Variants in RAB11FIP4 observed in about 807,000 individuals in gnomAD.
RAB11FIP4 encodes the protein rab11 family-interacting protein 4.
A neutral mutation model predicts 74.3 loss-of-function variants in RAB11FIP4; 23 were observed. The observed-to-expected ratio is 0.31, with a 90% CI of 0.22 to 0.44. The LOEUF (loss-of-function observed/expected upper bound fraction) is 0.44, where lower values mean the gene tolerates loss of function less well. Ranked by LOEUF, RAB11FIP4 falls within the 20% of genes least tolerant of loss-of-function variation. The pLI, the probability that RAB11FIP4 is intolerant of heterozygous loss-of-function variation, is 1.00. For missense variants in RAB11FIP4, 630 were observed against 863.9 expected (o/e 0.73, Z 3.39); for synonymous variants, 360 against 359.9 (o/e 1.00, Z 0.00).
rs60955293 is a variant in RAB11FIP4 at position 31,463,803 on chromosome 17, C to CTTTTTTTTTTTTTT, written c.336+29696_336+29709dup. ...ACAGGTGTGAGCCACTGCGCCTGGA[C>CTTTTTTTTTTTTTT]TTTTTTTTTTTTTTTTTTTTTTTTT... On this transcript the variant is annotated intron_variant, in intron 3 of 14. Transcript: ENST00000621161. Among the ~76,000 whole-genome samples the CTTTTTTTTTTTTTT allele has an allele frequency of 7.6e-4, 25 of 32,844 alleles. 8 individuals carry two copies. The highest frequency in any genetic ancestry group is 1.8e-3 in the African/African-American group (17 of 9,210). 21.5% of individuals were successfully genotyped at this position (32,844 alleles called of 152,430 possible).
intron 1 of RAB11FIP4, among the ~76,000 whole-genome samples, chr17:31,401,297 C>T (rs1469480812): frequency 6.6e-6 from 1 of 151,400 alleles, no homozygotes; most frequent in African/African-American, 2.4e-5. Flanking sequence ...AAATGCCAGG[C>T]TTGCCCCAGC....
intron 3 of RAB11FIP4, among the ~76,000 whole-genome samples, chr17:31,495,592 G>A (rs893365033): frequency 2.6e-5 from 4 of 151,856 alleles, no homozygotes; most frequent in Non-Finnish European, 5.9e-5. Flanking sequence ...AAACTTCTAG[G>A]CGCAAGCAAT....
At chr17:31,430,368 T>TG (rs2071297126) in intron 1 of RAB11FIP4, among the ~76,000 whole-genome samples, 1 of 143,520 alleles carries the variant, frequency 7.0e-6, no homozygotes, top group South Asian at 2.2e-4. Context: ...TTTTTTTTTT[T>TG]TTTTTTTGAG....
intron 3 of RAB11FIP4, among the ~76,000 whole-genome samples, chr17:31,517,194 G>C (rs1326323912): frequency 1.7e-5 from 1 of 58,776 alleles, no homozygotes; most frequent in Non-Finnish European, 3.1e-5. Flanking sequence ...GGCGGTGCGG[G>C]GGGGGGGGCG....
chr17:31,447,037 T>C (rs550796403), intron 3 of RAB11FIP4, among the ~76,000 whole-genome samples: 277 of 152,012 alleles, frequency 1.8e-3, no homozygotes, highest in Middle Eastern at 3.4e-3. Flanking sequence ...GTAATCCCAG[T>C]ACTTTGGGAG....
chr17:31,456,838 A>G (rs2071583075), intron 3 of RAB11FIP4, among the ~76,000 whole-genome samples: 1 of 152,136 alleles, frequency 6.6e-6, no homozygotes, highest in South Asian at 2.1e-4. Context: ...TTAAAGGATT[A>G]TTATTGCCTG....
At chr17:31,419,293 T>TG (rs1009877442) in intron 1 of RAB11FIP4, among the ~76,000 whole-genome samples, 2 of 151,746 alleles carry the variant, frequency 1.3e-5, no homozygotes, top group East Asian at 3.8e-4. Flanking sequence ...TTTTGTTTTT[T>TG]TTTTTTGGTA....
At chr17:31,455,760 C>T (rs1489501636) in intron 3 of RAB11FIP4, among the ~76,000 whole-genome samples, 5 of 152,210 alleles carry the variant, frequency 3.3e-5, no homozygotes, top group Non-Finnish European at 7.3e-5. Flanking sequence ...CATTCTTGGT[C>T]AGACCCCTTC....
At chr17:31,525,452 T>C (rs2072748830) in intron 10 of RAB11FIP4, 1 of 573,996 alleles carries the variant, frequency 1.7e-6, no homozygotes, top group Non-Finnish European at 3.1e-6. Flanking sequence ...GTGGCTCACA[T>C]TTGGTAATGC....
intron 3 of RAB11FIP4, among the ~76,000 whole-genome samples, chr17:31,470,143 T>C (rs1168862994): frequency 6.6e-6 from 1 of 152,266 alleles, no homozygotes; most frequent in African/African-American, 2.4e-5. Flanking sequence ...AGTCGCTGCT[T>C]CTGAGACCCA....
chr17:31,522,513 G>A (rs560690097), intron 7 of RAB11FIP4, 118 bp downstream of exon 7: 2 of 1,002,772 alleles, frequency 2.0e-6, no homozygotes, highest in African/African-American at 1.6e-5. Flanking sequence ...AGTGAGCAGA[G>A]GGGAACGAGG....
At chr17:31,473,754 C>T (rs1475526264) in intron 3 of RAB11FIP4, among the ~76,000 whole-genome samples, 2 of 152,180 alleles carry the variant, frequency 1.3e-5, no homozygotes, top group African/African-American at 2.4e-5. Context: ...ATTTGCTCAG[C>T]GGGCATGGAG....
intron 3 of RAB11FIP4, among the ~76,000 whole-genome samples, chr17:31,440,957 C>T (rs1768212590): frequency 6.6e-6 from 1 of 152,088 alleles, no homozygotes. Flanking sequence ...TCCAGGAATG[C>T]ATATATCTTT....
chr17:31,414,584 G>A (rs1399327845), intron 1 of RAB11FIP4, among the ~76,000 whole-genome samples: 1 of 152,248 alleles, frequency 6.6e-6, no homozygotes, highest in Non-Finnish European at 1.5e-5. Flanking sequence ...ATGGATGGAG[G>A]TGTTGGCGGT....
intron 3 of RAB11FIP4, among the ~76,000 whole-genome samples, chr17:31,484,946 T>C (rs1469584019): frequency 5.3e-5 from 8 of 152,238 alleles, no homozygotes; most frequent in Admixed American, 5.2e-4. Context: ...TACGTTCATT[T>C]AGCAACAAGG....
intron 1 of RAB11FIP4, among the ~76,000 whole-genome samples, chr17:31,426,498 A>T (rs2071250780): frequency 7.1e-6 from 1 of 141,106 alleles, no homozygotes; most frequent in Admixed American, 7.0e-5. Flanking sequence ...TATTTATTTT[A>T]AAAATCACTG....
At chr17:31,407,074 C>G (rs926986560) in intron 1 of RAB11FIP4, among the ~76,000 whole-genome samples, 5 of 64,364 alleles carry the variant, frequency 7.8e-5, no homozygotes, top group Non-Finnish European at 1.2e-4. Flanking sequence ...TTTTTTGAGA[C>G]AAGGCTTCGC....
intron 3 of RAB11FIP4, among the ~76,000 whole-genome samples, chr17:31,438,731 T>C (rs1338925080): frequency 6.6e-6 from 1 of 152,174 alleles, no homozygotes; most frequent in Admixed American, 6.5e-5. Context: ...GAGAAAGCCA[T>C]GTTCTCTCTT....
At chr17:31,477,696 T>G (rs1016303934) in intron 3 of RAB11FIP4, among the ~76,000 whole-genome samples, 31 of 152,368 alleles carry the variant, frequency 2.0e-4, no homozygotes, top group African/African-American at 7.5e-4. Flanking sequence ...GTCTTGGTTC[T>G]ATGATGGTTA....
Sources: gnomAD v4.1 joint callset for allele counts (sites outside exome capture counted in the v4.1 genomes callset) on GRCh38, gnomAD v4.1.1 for gene constraint, MANE v1.5 for transcripts, NCBI Gene and HGNC (gene_info 2026-07-23, HGNC 2026-07-21) for gene names.